The following VDAC1 variants were observed in gnomAD, a reference collection of about 807,000 sequenced individuals.
VDAC1 encodes non-selective voltage-gated ion channel VDAC1.
VDAC1 carries 10 observed loss-of-function variants against 34.7 expected under a neutral mutation model. The ratio of observed to expected loss-of-function variants is 0.29; its 90% CI spans 0.18 to 0.49. VDAC1 has a LOEUF of 0.49. Ranked by LOEUF, VDAC1 falls within the 20% of genes least tolerant of loss-of-function variation. VDAC1 has a pLI of 0.99. For missense variants in VDAC1, 230 were observed against 347.9 expected, an observed-to-expected ratio of 0.66 and a Z score of 2.69; for synonymous variants, 130 against 136.0, an observed-to-expected ratio of 0.96 and a Z score of 0.30.
chr5:134,023,978 C>CAAA, the VDAC1 span, among the ~76,000 whole-genome samples: 342 of 119,730 alleles, frequency 2.9e-3, 1 homozygote, highest in African/African-American at 9.0e-3. Context: ...ACTAAAAATA[C>CAAA]AAAAAAAAAA....
the VDAC1 span, among the ~76,000 whole-genome samples, chr5:134,052,243 A>C: frequency 0.1 from 15,448 of 152,084 alleles, 1,037 homozygotes; most frequent in East Asian, 0.28. Flanking sequence ...CTTTTCCCAC[A>C]ACTCTCCACT....
chr5:134,011,639 C>CTTTTTTTTTTTTTTTT, the VDAC1 span, among the ~76,000 whole-genome samples: 1 of 135,076 alleles, frequency 7.4e-6, no homozygotes. Flanking sequence ...ATCACAAGTT[C>CTTTTTTTTTTTTTTTT]TTTTTTTTTT....
the VDAC1 span, among the ~76,000 whole-genome samples, chr5:134,096,793 A>T: frequency 1.3e-5 from 2 of 151,852 alleles, no homozygotes; most frequent in Non-Finnish European, 2.9e-5. Flanking sequence ...AGGGTTTTTC[A>T]TGTTGCCCAG....
chr5:134,061,942 C>T, the VDAC1 span, among the ~76,000 whole-genome samples: 1 of 151,574 alleles, frequency 6.6e-6, no homozygotes, highest in African/African-American at 2.4e-5. Flanking sequence ...AAGTTCCCTT[C>T]AATTCTGGAT....
chr5:134,105,074 T>C, the VDAC1 span, among the ~76,000 whole-genome samples: 1 of 152,184 alleles, frequency 6.6e-6, no homozygotes, highest in Non-Finnish European at 1.5e-5. Flanking sequence ...TGGCCCTGTC[T>C]AGCCCTGGTA....
intron 1 of VDAC1, among the ~76,000 whole-genome samples, chr5:133,998,670 A>T (rs186609185): frequency 1.3e-3 from 192 of 152,384 alleles, no homozygotes; most frequent in African/African-American, 4.4e-3. Flanking sequence ...TTGCAAGAAC[A>T]GATTTAAACT....
At chr5:134,043,155 T>G in the VDAC1 span, among the ~76,000 whole-genome samples, 1 of 152,194 alleles carries the variant, frequency 6.6e-6, no homozygotes, top group Admixed American at 6.5e-5. Flanking sequence ...TCAGGGTGAA[T>G]GGTGGGCCTG....
At chr5:134,000,441 A>C (rs1753503482) in intron 1 of VDAC1, among the ~76,000 whole-genome samples, 1 of 152,146 alleles carries the variant, frequency 6.6e-6, no homozygotes, top group Non-Finnish European at 1.5e-5. Context: ...TATCAAGGGG[A>C]GATGGCCTGC....
the VDAC1 span, among the ~76,000 whole-genome samples, chr5:134,104,267 T>C: frequency 6.6e-6 from 1 of 152,182 alleles, no homozygotes. Flanking sequence ...GTACCCATTT[T>C]CCCAGGCCAC....
the VDAC1 span, among the ~76,000 whole-genome samples, chr5:134,068,933 T>C: frequency 6.6e-6 from 1 of 151,372 alleles, no homozygotes; most frequent in African/African-American, 2.4e-5. Flanking sequence ...CTAAAGTGAA[T>C]TTAGAACAGA....
At chr5:134,011,766 A>G in the VDAC1 span, among the ~76,000 whole-genome samples, 2 of 151,832 alleles carry the variant, frequency 1.3e-5, no homozygotes, top group East Asian at 1.9e-4. Context: ...CAGCCTCCCA[A>G]GTAGCTGGGA....
At chr5:133,982,932 A>G (rs907199578) in intron 5 of VDAC1, among the ~76,000 whole-genome samples, 2 of 151,754 alleles carry the variant, frequency 1.3e-5, no homozygotes, top group African/African-American at 4.8e-5. Context: ...TGTAAATTTG[A>G]ACAGACTAGA....
the VDAC1 span, among the ~76,000 whole-genome samples, chr5:134,050,756 A>G: frequency 6.6e-6 from 1 of 152,166 alleles, no homozygotes; most frequent in African/African-American, 2.4e-5. Context: ...AAACATGTCA[A>G]ATTGGAGATG....
chr5:134,047,867 A>T, the VDAC1 span, among the ~76,000 whole-genome samples: 1 of 151,868 alleles, frequency 6.6e-6, no homozygotes, highest in South Asian at 2.1e-4. Context: ...TTTTCACGAC[A>T]TCCACATGAA....
the VDAC1 span, among the ~76,000 whole-genome samples, chr5:134,051,758 G>C: frequency 6.6e-6 from 1 of 151,038 alleles, no homozygotes; most frequent in Non-Finnish European, 1.5e-5. Flanking sequence ...GAGTGCAATA[G>C]CACGATCTCG....
intron 6 of VDAC1, among the ~76,000 whole-genome samples, chr5:133,976,682 T>C (rs1030297474): frequency 3.3e-5 from 5 of 151,310 alleles, no homozygotes; most frequent in Non-Finnish European, 7.4e-5. Flanking sequence ...AGTAGAGCAC[T>C]GAGATTCTGA....
chr5:134,111,084 A>C, the VDAC1 span, among the ~76,000 whole-genome samples: 9 of 152,228 alleles, frequency 5.9e-5, no homozygotes, highest in Admixed American at 5.9e-4. Context: ...CCAACAGAGC[A>C]GGGCAGGCCT....
the VDAC1 span, among the ~76,000 whole-genome samples, chr5:134,012,012 G>A: frequency 6.6e-6 from 1 of 151,966 alleles, no homozygotes; most frequent in Non-Finnish European, 1.5e-5. Context: ...GCAGAGCAGG[G>A]CAGGGGTGGG....
the VDAC1 span, among the ~76,000 whole-genome samples, chr5:134,034,248 C>T: frequency 6.6e-6 from 1 of 152,154 alleles, no homozygotes; most frequent in African/African-American, 2.4e-5. Flanking sequence ...AGAATATCGG[C>T]TAGCAATTTG....
Sources: allele counts gnomAD v4.1 joint callset (sites outside exome capture counted in the v4.1 genomes callset), GRCh38; gene constraint gnomAD v4.1.1; transcripts MANE v1.5; gene names NCBI Gene and HGNC (gene_info 2026-07-23, HGNC 2026-07-21).